The following PRKCB variants were observed in gnomAD, a reference collection of about 807,000 sequenced individuals.
PRKCB encodes the protein protein kinase C beta.
PRKCB carries 13 observed loss-of-function variants against 81.5 expected under a neutral mutation model. The ratio of observed to expected loss-of-function variants is 0.16; its 90% CI spans 0.10 to 0.25. PRKCB has a LOEUF of 0.25. Ranked by LOEUF, PRKCB falls within the 10% of genes least tolerant of loss-of-function variation. The pLI, the probability that PRKCB is intolerant of heterozygous loss-of-function variation, is 1.00. For missense variants in PRKCB, 509 were observed against 875.7 expected (o/e 0.58, Z 5.29); for synonymous variants, 335 against 321.4 (o/e 1.04, Z -0.45).
intron 2 of PRKCB, among the ~76,000 whole-genome samples, chr16:23,918,080 C>A (rs750469185): frequency 5.9e-5 from 9 of 152,048 alleles, no homozygotes; most frequent in Non-Finnish European, 1.2e-4. Flanking sequence ...CAAAAGACTT[C>A]TTAGAGCCGG....
rs1965335339 is a variant in PRKCB at position 24,019,785 on chromosome 16, T to C, written c.289-12351T>C. On this transcript the variant is annotated intron_variant, in intron 3 of 16. Coordinates refer to ENST00000643927, the MANE Select transcript of PRKCB (RefSeq NM_002738.7). ...CCTAAAAAAAAAAAAGAAAAAAAAA[T>C]GAGATTTTTTTCCATATTAATGCAG... is the stretch of plus-strand genomic sequence containing the variant. Among the ~76,000 whole-genome samples the C allele has an allele frequency of 2.0e-5, 3 of 148,332 alleles. No individual in the cohort carries two copies. The South Asian group carries it at 6.4e-4, about 32-fold the overall frequency.
chr16:24,097,647 C>T (rs532124858), intron 7 of PRKCB, among the ~76,000 whole-genome samples: 4 of 152,288 alleles, frequency 2.6e-5, no homozygotes, highest in African/African-American at 9.6e-5. Context: ...ATCCTGATGA[C>T]ATGGGCCCAA....
chr16:23,857,802 A>G (rs1962596606), intron 2 of PRKCB, among the ~76,000 whole-genome samples: 1 of 152,076 alleles, frequency 6.6e-6, no homozygotes, highest in Non-Finnish European at 1.5e-5. Context: ...AGGCCAAGGG[A>G]ATTTTCCATT....
At chr16:24,151,649 G>A in intron 9 of PRKCB, 1 of 385,686 alleles carries the variant, frequency 2.6e-6, no homozygotes, top group Non-Finnish European at 5.2e-6. Context: ...CAGTGCAAGA[G>A]CATGGAAGGA....
At position 23,938,693 on chromosome 16, in the gene PRKCB, G is replaced by A. The variant is rs112681846; in HGVS notation, c.206-49815G>A. 7.9e-3 allele frequency among the ~76,000 whole-genome samples: 1,200 copies of A among 152,170 alleles called. 23 individuals carry two copies. Among genetic ancestry groups the A allele is most frequent in the African/African-American group, 0.027 (1,139 of 41,518 alleles). On this transcript the variant is annotated intron_variant, in intron 2 of 16. Coordinates refer to ENST00000643927, the MANE Select transcript of PRKCB (RefSeq NM_002738.7). ...TTTACTTAATTTTTCATCTTTCATT[G>A]TGGAAGACAGTCAGAAAACATGCTG... is the stretch of plus-strand genomic sequence containing the variant.
At chr16:23,882,673 G>A (rs1435544079) in intron 2 of PRKCB, among the ~76,000 whole-genome samples, 4 of 151,996 alleles carry the variant, frequency 2.6e-5, no homozygotes, top group African/African-American at 7.2e-5. Flanking sequence ...TATATTAATC[G>A]GTCAATGGAC....
intron 2 of PRKCB, among the ~76,000 whole-genome samples, chr16:23,907,877 CATGGA>C (rs1567309841): frequency 6.6e-6 from 1 of 152,194 alleles, no homozygotes; most frequent in Admixed American, 6.5e-5. Context: ...AAGGCCTGGC[CATGGA>C]TCCAGGAACA....
In PRKCB at chr16:24,220,567, TTTTG is replaced by T. The variant is rs1469064183; in HGVS notation, c.*5755_*5758del. 6.5e-6 allele frequency: 1 copy of T among 154,620 alleles called. No individual in the cohort carries two copies. Among genetic ancestry groups the T allele is most frequent in the Non-Finnish European group, 1.4e-5 (1 of 69,670 alleles). The allele number at this position is 154,620 out of a possible 1,614,324, so 9.6% of individuals were successfully genotyped here. ...GAACTATTGTCTCTTGGAGGAAGTT[TTTTG>T]TTTAAGAATTGATATGATTAAACTG... is the stretch of plus-strand genomic sequence containing the variant. On this transcript the variant is annotated 3_prime_UTR_variant, in exon 17 of 17. Transcript: ENST00000643927.
chr16:24,104,835 T>C (rs570515243), intron 7 of PRKCB, among the ~76,000 whole-genome samples: 5 of 152,172 alleles, frequency 3.3e-5, no homozygotes, highest in South Asian at 4.2e-4. Flanking sequence ...TTGGAGGATA[T>C]GGGGAGAGGG....
intron 2 of PRKCB, among the ~76,000 whole-genome samples, chr16:23,951,628 G>A (rs1036045608): frequency 6.8e-6 from 1 of 146,246 alleles, no homozygotes. Context: ...ATGTTGCCCA[G>A]GCTGGTCTTA....
At chr16:24,117,363 G>A (rs1280210920) in intron 8 of PRKCB, among the ~76,000 whole-genome samples, 1 of 152,130 alleles carries the variant, frequency 6.6e-6, no homozygotes, top group African/African-American at 2.4e-5. Flanking sequence ...GCTTTCAGTC[G>A]ACCGTGGGCT....
rs200505327 is a variant in PRKCB, at chr16:23,918,577, AG to A, written c.206-69930del. On this transcript the variant is annotated intron_variant, in intron 2 of 16. Transcript: ENST00000643927. ...AGGCCTAACTAATATTTGTATTTTT[AG>A]TAGAGGTGGGGTCTTGCCATGTTGG... Among the ~76,000 whole-genome samples, 177 of 152,064 alleles carry A rather than the reference AG, an allele frequency of 1.2e-3. 2 individuals carry two copies. In the East Asian group the frequency reaches 0.027, roughly 23 times the overall value.
chr16:24,015,818 A>G (rs149985076), intron 3 of PRKCB, among the ~76,000 whole-genome samples: 116 of 152,330 alleles, frequency 7.6e-4, no homozygotes, highest in African/African-American at 2.7e-3. Flanking sequence ...TTTGGTGACT[A>G]AATGGTTAAA....
intron 10 of PRKCB, among the ~76,000 whole-genome samples, chr16:24,162,845 G>A (rs1967282186): frequency 2.0e-5 from 3 of 152,038 alleles, no homozygotes; most frequent in Admixed American, 1.3e-4. Context: ...TGACCACTAT[G>A]CAATCTATGC....
At chr16:23,956,822 CTTAATGTA>C (rs1964355311) in intron 2 of PRKCB, among the ~76,000 whole-genome samples, 1 of 151,522 alleles carries the variant, frequency 6.6e-6, no homozygotes, top group South Asian at 2.1e-4. Flanking sequence ...TGCAGGGGAG[CTTAATGTA>C]TTAAAAGGTG....
At chr16:23,944,560 C>A (rs1451787686) in intron 2 of PRKCB, among the ~76,000 whole-genome samples, 2 of 152,180 alleles carry the variant, frequency 1.3e-5, no homozygotes, top group Admixed American at 6.5e-5. Flanking sequence ...GGATGATGAT[C>A]TCACATGATC....
chr16:24,105,046 C>T (rs1170195841), intron 7 of PRKCB, among the ~76,000 whole-genome samples: 3 of 137,410 alleles, frequency 2.2e-5, no homozygotes, highest in African/African-American at 5.5e-5. Context: ...ACAAGCGGCA[C>T]GTTGTTGGAT....
chr16:23,931,898 T>C (rs1963983186), intron 2 of PRKCB, among the ~76,000 whole-genome samples: 1 of 152,254 alleles, frequency 6.6e-6, no homozygotes. Flanking sequence ...ATTTCCATAC[T>C]GGATGTTTTG....
chr16:24,041,473 C>T (rs1463617352), intron 5 of PRKCB, among the ~76,000 whole-genome samples: 6 of 152,126 alleles, frequency 3.9e-5, no homozygotes, highest in Admixed American at 3.9e-4. Context: ...CATGTCCATC[C>T]TCATATCTAT....
Sources: allele counts gnomAD v4.1 joint callset (sites outside exome capture counted in the v4.1 genomes callset), GRCh38; gene constraint gnomAD v4.1.1; transcripts MANE v1.5; gene names NCBI Gene and HGNC (gene_info 2026-07-23, HGNC 2026-07-21).